The following GSAP variants were observed in gnomAD, a reference collection of about 807,000 sequenced individuals.
GSAP encodes gamma-secretase-activating protein.
In GSAP, 118 loss-of-function variants were observed where a neutral mutation model predicts 131.7. The ratio of observed to expected loss-of-function variants is 0.90; its 90% CI spans 0.77 to 1.04. The LOEUF (loss-of-function observed/expected upper bound fraction) is 1.04, where lower values mean the gene tolerates loss of function less well. GSAP is among the 50% of genes least tolerant of loss of function. The pLI is 0.00. For missense variants in GSAP, 1,019 were observed against 1,013.2 expected (o/e 1.01, Z -0.08); for synonymous variants, 381 against 363.4 (o/e 1.05, Z -0.55).
intron 19 of GSAP, among the ~76,000 whole-genome samples, chr7:77,334,822 C>T (rs561681030): frequency 1.3e-5 from 2 of 151,874 alleles, no homozygotes; most frequent in South Asian, 2.1e-4. Flanking sequence ...TGGTGGCTCA[C>T]GCCTGTAATC....
chr7:77,386,413 T>G (rs1320409454), intron 6 of GSAP, among the ~76,000 whole-genome samples: 1 of 152,224 alleles, frequency 6.6e-6, no homozygotes, highest in Non-Finnish European at 1.5e-5. Flanking sequence ...TTCAGGATTG[T>G]CTTTTGGGAT....
At chr7:77,358,497 A>G (rs1346436913) in intron 14 of GSAP, among the ~76,000 whole-genome samples, 1 of 152,234 alleles carries the variant, frequency 6.6e-6, no homozygotes, top group African/African-American at 2.4e-5. Flanking sequence ...CATATGCCAC[A>G]TGTAAAATGG....
intron 19 of GSAP, among the ~76,000 whole-genome samples, chr7:77,346,892 T>C (rs1791970626): frequency 2.0e-5 from 3 of 151,802 alleles, no homozygotes; most frequent in Non-Finnish European, 2.9e-5. Context: ...CTGCCTTCCT[T>C]TCACCTGCCC....
At chr7:77,401,373 G>A (rs1413027012) in intron 3 of GSAP, among the ~76,000 whole-genome samples, 1 of 151,540 alleles carries the variant, frequency 6.6e-6, no homozygotes, top group African/African-American at 2.4e-5. Context: ...ACATCTATAT[G>A]GGGGGGAGAA....
Position 77,344,836 on chromosome 7 carries a change from C to G in GSAP, c.1545+4515G>C, listed in dbSNP as rs1336123835. On this transcript the variant is annotated intron_variant, in intron 19 of 30. Coordinates refer to ENST00000257626, the MANE Select transcript of GSAP (RefSeq NM_017439.4). ...TCTCCACCACACTGCCAATCTCACT[C>G]TCACCTAGCCATTTCTAATCCTTCT... Among the ~76,000 whole-genome samples, 7 of 152,332 alleles carry G rather than the reference C, an allele frequency of 4.6e-5. No individual in the cohort carries two copies. In the East Asian group the frequency reaches 1.3e-3, roughly 29 times the overall value.
intron 19 of GSAP, among the ~76,000 whole-genome samples, chr7:77,345,454 C>A (rs1791652779): frequency 6.6e-6 from 1 of 152,192 alleles, no homozygotes; most frequent in Non-Finnish European, 1.5e-5. Flanking sequence ...ACAGGACTAT[C>A]AGGCCTCTGA....
Position 77,311,846 on chromosome 7 carries a change from T to C in GSAP, c.2468A>G (p.Asn823Ser), listed in dbSNP as rs780517283. 13 of 1,474,534 alleles carry C rather than the reference T, an allele frequency of 8.8e-6. No homozygotes were observed. Among genetic ancestry groups the C allele is most frequent in the African/African-American group, 2.8e-5 (2 of 72,180 alleles). The allele number at this position is 1,474,534 out of a possible 1,614,324, so 91.3% of individuals were successfully genotyped here. A position where few individuals can be genotyped will look rare whatever the true frequency, so the allele number is the denominator to read the frequency against. The change falls in exon 30 of 31, where the codon AAT (asparagine) becomes AGT (serine). Residue 823 changes from asparagine (N) to serine (S), a missense_variant. Coordinates refer to ENST00000257626, the MANE Select transcript of GSAP (RefSeq NM_017439.4). ...IEILTDIESS[N>S]QALYPFEGHD... ...AGAACAGGGGAGTAAATTACCTTGATTGGAGGACTCTATATCTGTCAGAAT... is the reference window on the plus strand; with the variant it reads ...AGAACAGGGGAGTAAATTACCTTGACTGGAGGACTCTATATCTGTCAGAAT...
chr7:77,351,969 G>T (rs1792930080), intron 18 of GSAP, among the ~76,000 whole-genome samples: 1 of 152,172 alleles, frequency 6.6e-6, no homozygotes, highest in Non-Finnish European at 1.5e-5. Context: ...AAACGTGGGT[G>T]CCTAGAGAGG....
chr7:77,312,937 T>C (rs1430037771), intron 28 of GSAP, among the ~76,000 whole-genome samples: 3 of 152,232 alleles, frequency 2.0e-5, no homozygotes, highest in African/African-American at 7.2e-5. Flanking sequence ...TAAGTGTTGA[T>C]ATTCCCTTGT....
At chr7:77,329,980 G>T in intron 20 of GSAP, 1 of 274,830 alleles carries the variant, frequency 3.6e-6, no homozygotes, top group Non-Finnish European at 6.8e-6. Flanking sequence ...GAACACATCT[G>T]AGACATGGAT....
intron 19 of GSAP, among the ~76,000 whole-genome samples, chr7:77,344,400 G>T (rs188705040): frequency 5.8e-4 from 89 of 152,300 alleles, no homozygotes; most frequent in Admixed American, 1.2e-3. Flanking sequence ...ATTCAGGCCT[G>T]TCCTCGGGAT....
intron 23 of GSAP, among the ~76,000 whole-genome samples, chr7:77,325,989 T>C (rs1397960996): frequency 6.6e-6 from 1 of 152,194 alleles, no homozygotes; most frequent in African/African-American, 2.4e-5. Flanking sequence ...TACATATGTA[T>C]TGGTGTGATG....
At chr7:77,391,660 C>CA (rs1000269765) in intron 5 of GSAP, among the ~76,000 whole-genome samples, 6 of 151,504 alleles carry the variant, frequency 4.0e-5, no homozygotes, top group East Asian at 1.9e-4. Context: ...CCCATCTCTA[C>CA]AAAAAAATGA....
At position 77,312,128 on chromosome 7, in the gene GSAP, C is replaced by T. The variant is rs200091728; in HGVS notation, c.2346G>A (p.Thr782=). 8.3e-4 allele frequency: 1,323 copies of T among 1,600,892 alleles called. 23 individuals carry two copies. In the South Asian group the frequency reaches 0.014, roughly 17 times the overall value. ...GTTTCTTATAGTTCTGAAGCAGTCGCGTCACGTGGTTCCGCGAAATGATGT... is the reference window on the plus strand; with the variant it reads ...GTTTCTTATAGTTCTGAAGCAGTCGTGTCACGTGGTTCCGCGAAATGATGT... The part of the protein sequence containing the change: ...SSNIISRNHV[T]RLLQNYKKQP... The change falls in exon 29 of 31, where the codon ACG becomes ACA. Residue 782 remains threonine (T), a synonymous_variant. Transcript: ENST00000257626.
chr7:77,360,941 A>G (rs1173895821), intron 13 of GSAP, 40 bp from the exon 14 acceptor site: 2 of 1,193,362 alleles, frequency 1.7e-6, no homozygotes, highest in Admixed American at 1.7e-5. Flanking sequence ...TGTTAAACAA[A>G]GAACTGGAAC....
chr7:77,327,734 T>C (rs1310296455), intron 22 of GSAP, among the ~76,000 whole-genome samples: 2 of 152,122 alleles, frequency 1.3e-5, no homozygotes, highest in Non-Finnish European at 2.9e-5. Context: ...TCCCCTCCCC[T>C]GGTTTCACTT....
chr7:77,371,612 T>C (rs1160048367), intron 12 of GSAP, among the ~76,000 whole-genome samples: 1 of 152,134 alleles, frequency 6.6e-6, no homozygotes, highest in Non-Finnish European at 1.5e-5. Flanking sequence ...TTTTTTTGTA[T>C]TTTTACTAGA....
chr7:77,353,502 C>G, intron 17 of GSAP, 70 bp downstream of exon 17: 1 of 942,012 alleles, frequency 1.1e-6, no homozygotes, highest in Admixed American at 1.9e-5. Context: ...CATTCACTAT[C>G]AATTTACTGC....
chr7:77,363,360 C>G (rs894546155), intron 12 of GSAP, among the ~76,000 whole-genome samples: 1 of 152,218 alleles, frequency 6.6e-6, no homozygotes, highest in Non-Finnish European at 1.5e-5. Context: ...TAATGTCCAT[C>G]AGTGACCTAC....
Sources: gnomAD v4.1 joint callset for allele counts (sites outside exome capture counted in the v4.1 genomes callset) on GRCh38, gnomAD v4.1.1 for gene constraint, MANE v1.5 for transcripts, NCBI Gene and HGNC (gene_info 2026-07-23, HGNC 2026-07-21) for gene names.